Variants in ARLN observed in about 807,000 individuals in gnomAD.
ARLN encodes sarcoplasmic/endoplasmic reticulum calcium ATPase regulator ARLN.
the ARLN span, among the ~76,000 whole-genome samples, chr4:119,303,808 C>T: frequency 0.025 from 3,750 of 152,248 alleles, 59 homozygotes; most frequent in South Asian, 0.051. Context: ...CACTTGAGGT[C>T]GAGGCTGCAG....
chr4:119,297,904 C>A, the ARLN span: 71 of 152,674 alleles, frequency 4.7e-4, 1 homozygote, highest in Non-Finnish European at 3.1e-4. Flanking sequence ...AATGTAAGCT[C>A]CATGAAGGCA....
chr4:119,300,948 T>C, the ARLN span: 6 of 749,750 alleles, frequency 8.0e-6, no homozygotes, highest in African/African-American at 8.8e-5. Flanking sequence ...TGGATCCTTA[T>C]GCCAACGTGT....
At chr4:119,300,757 C>A in the ARLN span, 1 of 1,492,522 alleles carries the variant, frequency 6.7e-7, no homozygotes, top group Non-Finnish European at 8.9e-7. Flanking sequence ...CGGCCTCCGC[C>A]TTGACACTAA....
chr4:119,301,849 C>T, the ARLN span, among the ~76,000 whole-genome samples: 1 of 152,304 alleles, frequency 6.6e-6, no homozygotes, highest in Non-Finnish European at 1.5e-5. Context: ...GCTTCCTAAC[C>T]TTGCTCCAAT....
At chr4:119,300,703 C>T in the ARLN span, 29 of 1,529,164 alleles carry the variant, frequency 1.9e-5, no homozygotes, top group Non-Finnish European at 2.5e-5. Flanking sequence ...GCGCAGGCGC[C>T]TGGCTCGGCT....
chr4:119,300,759 T>G, the ARLN span: 1 of 1,490,394 alleles, frequency 6.7e-7, no homozygotes, highest in Admixed American at 2.2e-5. Flanking sequence ...GCCTCCGCCT[T>G]GACACTAAGT....
At chr4:119,300,938 T>TAAGGATCCAAAC in the ARLN span, 1 of 817,710 alleles carries the variant, frequency 1.2e-6, no homozygotes, top group Non-Finnish European at 1.8e-6. Flanking sequence ...GTATTCCGTT[T>TAAGGATCCAAAC]GGATCCTTAT....
chr4:119,299,393 G>C, the ARLN span, among the ~76,000 whole-genome samples: 1 of 152,188 alleles, frequency 6.6e-6, no homozygotes, highest in East Asian at 1.9e-4. Context: ...AATTTCAGAA[G>C]TAACTCATAG....
At chr4:119,300,735 T>A in the ARLN span, 1 of 1,512,950 alleles carries the variant, frequency 6.6e-7, no homozygotes, top group Non-Finnish European at 8.8e-7. Context: ...CCGTGACCGC[T>A]GGCATGAAGC....
the ARLN span, chr4:119,300,605 C>A: frequency 6.2e-7 from 1 of 1,608,362 alleles, no homozygotes; most frequent in East Asian, 2.2e-5. Context: ...TGGTGTTCGC[C>A]GCACCGGAAA....
chr4:119,299,041 G>A, the ARLN span, among the ~76,000 whole-genome samples: 61,407 of 151,840 alleles, frequency 0.4, 12,664 homozygotes, highest in Non-Finnish European at 0.46. Flanking sequence ...GAATTTTATA[G>A]AAATCCCTAT....
the ARLN span, among the ~76,000 whole-genome samples, chr4:119,304,065 C>A: frequency 6.6e-6 from 1 of 152,240 alleles, no homozygotes; most frequent in Non-Finnish European, 1.5e-5. Context: ...CCATCTTCCT[C>A]ATGGAAACTA....
the ARLN span, chr4:119,300,998 C>G: frequency 4.0e-6 from 2 of 497,224 alleles, no homozygotes; most frequent in Non-Finnish European, 7.0e-6. Flanking sequence ...CTGTCTCTAG[C>G]ATTTGACACT....
chr4:119,302,372 A>G, the ARLN span, among the ~76,000 whole-genome samples: 8 of 152,186 alleles, frequency 5.3e-5, no homozygotes, highest in South Asian at 1.2e-3. Context: ...GAAAGATTCT[A>G]TTTCCGACTT....
At chr4:119,296,761 A>G in the ARLN span, 2 of 152,274 alleles carry the variant, frequency 1.3e-5, no homozygotes, top group East Asian at 3.9e-4. Flanking sequence ...TTCAAATGCT[A>G]ATCTCTTCTG....
the ARLN span, chr4:119,304,102 A>C: frequency 1.6e-6 from 1 of 620,350 alleles, no homozygotes; most frequent in Non-Finnish European, 2.8e-6. Flanking sequence ...GCTTTGGTGC[A>C]TGTTTTTCCT....
the ARLN span, chr4:119,300,435 G>A: frequency 6.2e-7 from 1 of 1,614,026 alleles, no homozygotes; most frequent in South Asian, 1.1e-5. Flanking sequence ...ATTTGCCCCA[G>A]ACTGAGGCCT....
the ARLN span, chr4:119,298,855 T>C: frequency 8.4e-6 from 6 of 717,042 alleles, no homozygotes; most frequent in Admixed American, 2.2e-5. Context: ...TATTTACATA[T>C]TGATAAAAAG....
chr4:119,304,319 T>C, the ARLN span: 2 of 1,537,264 alleles, frequency 1.3e-6, no homozygotes, highest in Non-Finnish European at 1.7e-6. Context: ...AGGGTTATTT[T>C]CTCAAGATCA....
Sources: gnomAD v4.1 joint callset for allele counts (sites outside exome capture counted in the v4.1 genomes callset) on GRCh38, gnomAD v4.1.1 for gene constraint, MANE v1.5 for transcripts, NCBI Gene and HGNC (gene_info 2026-07-23, HGNC 2026-07-21) for gene names.